Variants in SSUH2 observed in about 807,000 individuals in gnomAD.
SSUH2 encodes the protein ssu-2 homolog, also known as protein SSUH2 homolog.
A neutral mutation model predicts 55.3 loss-of-function variants in SSUH2; 47 were observed. The observed-to-expected ratio is 0.85, with a 90% CI of 0.67 to 1.08. The LOEUF (loss-of-function observed/expected upper bound fraction) is 1.08, where lower values mean the gene tolerates loss of function less well. SSUH2 is among the 50% of genes least tolerant of loss of function. The probability of loss-of-function intolerance (pLI) is 0.00; values close to 1 mark genes in which losing one functional copy is unlikely to be tolerated. For synonymous variants in SSUH2, 212 were observed against 191.5 expected, an observed-to-expected ratio of 1.11 and a Z score of -0.89; for missense variants, 535 against 490.7, an observed-to-expected ratio of 1.09 and a Z score of -0.85.
intron 3 of SSUH2, among the ~76,000 whole-genome samples, chr3:8,673,284 T>C (rs189852435): frequency 6.6e-6 from 1 of 152,118 alleles, no homozygotes. Flanking sequence ...GATCAGTTAT[T>C]AATATTGATA....
chr3:8,635,405 C>T (rs1324439399), intron 2 of SSUH2, 24 bp from the exon 3 acceptor site: 2 of 1,505,670 alleles, frequency 1.3e-6, no homozygotes, highest in East Asian at 2.5e-5. Flanking sequence ...GAGTCAGGGG[C>T]TGGACAGCCC....
upstream of SSUH2, among the ~76,000 whole-genome samples, chr3:8,648,684 A>G (rs1360621444): frequency 6.6e-6 from 1 of 152,122 alleles, no homozygotes; most frequent in Admixed American, 6.5e-5. Context: ...TCCAGGCCAC[A>G]GTGCCCCTTC....
intron 7 of SSUH2, among the ~76,000 whole-genome samples, chr3:8,657,913 C>A (rs577530390): frequency 6.6e-6 from 1 of 152,390 alleles, no homozygotes; most frequent in South Asian, 2.1e-4. Context: ...CTCTTCCCAG[C>A]CTCCACGCCT....
chr3:8,676,989 C>T (rs535014993), intron 3 of SSUH2, among the ~76,000 whole-genome samples: 2 of 149,010 alleles, frequency 1.3e-5, no homozygotes, highest in Admixed American at 6.6e-5. Flanking sequence ...GAGCCAGTAC[C>T]TCTTCCCCCC....
At chr3:8,660,601 C>T (rs902731914) in intron 6 of SSUH2, among the ~76,000 whole-genome samples, 1 of 152,206 alleles carries the variant, frequency 6.6e-6, no homozygotes, top group African/African-American at 2.4e-5. Context: ...TTTATTGTTA[C>T]TGCTCCTTTC....
chr3:8,651,775 G>A (rs1479421076), intron 7 of SSUH2, among the ~76,000 whole-genome samples: 1 of 152,108 alleles, frequency 6.6e-6, no homozygotes, highest in East Asian at 1.9e-4. Context: ...CCCTCAGCAA[G>A]GATGGATGTG....
At chr3:8,681,422 C>T (rs1175755365) in intron 1 of SSUH2, among the ~76,000 whole-genome samples, 1 of 145,098 alleles carries the variant, frequency 6.9e-6, no homozygotes, top group Non-Finnish European at 1.5e-5. Context: ...CCCGGCGAGC[C>T]CGGGACTGAG....
chr3:8,624,240 G>A (rs774285724), intron 10 of SSUH2, among the ~76,000 whole-genome samples: 2 of 152,184 alleles, frequency 1.3e-5, no homozygotes, highest in African/African-American at 2.4e-5. Flanking sequence ...CCCTCATTGT[G>A]GAACTGTGGC....
chr3:8,669,960 G>A (rs1704365065), intron 5 of SSUH2, among the ~76,000 whole-genome samples: 1 of 152,212 alleles, frequency 6.6e-6, no homozygotes, highest in Admixed American at 6.5e-5. Context: ...AACACATTCT[G>A]TAGTTTACTG....
intron 7 of SSUH2, among the ~76,000 whole-genome samples, chr3:8,655,797 A>G (rs1028732617): frequency 6.6e-6 from 1 of 152,190 alleles, no homozygotes; most frequent in Non-Finnish European, 1.5e-5. Flanking sequence ...TGTTTTTGTC[A>G]GAAGAATGAT....
Position 8,635,875 on chromosome 3 carries a change from T to C in SSUH2, c.29-18A>G, listed in dbSNP as rs1452957135. 6.5e-7 allele frequency: 1 copy of C among 1,534,516 alleles called. No homozygotes were observed. Among genetic ancestry groups the C allele is most frequent in the South Asian group, 1.2e-5 (1 of 83,810 alleles). ...CACCACACCTGCAGAAAGACAAGCA[T>C]TCCTAAGCCTTGGGTAGGGAGGCGA... On this transcript the variant is annotated intron_variant, in intron 1 of 11. Transcript: ENST00000544814.
Position 8,630,852 on chromosome 3 carries a change from GA to G in SSUH2, c.477del (p.Gln160ArgfsTer174). 6.6e-7 allele frequency: 1 copy of G among 1,507,718 alleles called. No homozygotes were observed. The highest frequency in any genetic ancestry group is 8.9e-7 in the Non-Finnish European group (1 of 1,128,634). 93.4% of individuals were successfully genotyped at this position (1,507,718 alleles called of 1,614,324 possible). ...ACCTGGAACTTCCTGGTGTCTTCCT[GA>G]AACATCGGAGGACCTTGAACCTTGA... ...WDIKVQGPPM[F>X]QEDTRKFQVP... On this transcript the variant is annotated frameshift_variant, in exon 6 of 12. Coordinates refer to ENST00000544814, the MANE Select transcript of SSUH2 (RefSeq NM_001256748.3). LOFTEE classifies it high-confidence loss of function.
upstream of SSUH2, among the ~76,000 whole-genome samples, chr3:8,647,055 A>G (rs1398512210): frequency 6.6e-6 from 1 of 152,226 alleles, no homozygotes; most frequent in African/African-American, 2.4e-5. Context: ...GTAATCTCAC[A>G]GGTGGGTGTC....
intron 5 of SSUH2, among the ~76,000 whole-genome samples, 186 bp from the exon 6 acceptor site, chr3:8,631,115 C>G (rs1434555601): frequency 2.6e-5 from 4 of 152,130 alleles, no homozygotes; most frequent in Admixed American, 1.3e-4. Flanking sequence ...TAGAGAGAGA[C>G]AGATCTGGGT....
At chr3:8,673,958 G>A (rs1379122899) in intron 3 of SSUH2, among the ~76,000 whole-genome samples, 1 of 151,960 alleles carries the variant, frequency 6.6e-6, no homozygotes, top group South Asian at 2.1e-4. Context: ...CCTTGATCCC[G>A]ATAACCCTGA....
chr3:8,651,163 C>A (rs1417940263), intron 7 of SSUH2, among the ~76,000 whole-genome samples: 1 of 152,186 alleles, frequency 6.6e-6, no homozygotes, highest in Non-Finnish European at 1.5e-5. Flanking sequence ...AACACAAATT[C>A]AATTTGCTTT....
chr3:8,634,198 C>A (rs1290610745), intron 3 of SSUH2: 2 of 590,780 alleles, frequency 3.4e-6, no homozygotes, highest in Non-Finnish European at 5.6e-6. Context: ...GGTACCTTGA[C>A]CTTAGCCAGA....
intron 1 of SSUH2, chr3:8,639,891 A>T: frequency 3.3e-6 from 3 of 918,196 alleles, no homozygotes; most frequent in Non-Finnish European, 3.9e-6. Context: ...TCAACACTTA[A>T]ACAAAGAGTG....
At position 8,678,935 on chromosome 3, in the gene SSUH2, C is replaced by A. The variant is rs1317400965; in HGVS notation, c.-901+770G>T. Among the ~76,000 whole-genome samples, 84 of 110,800 alleles carry A rather than the reference C, an allele frequency of 7.6e-4. 5 individuals carry two copies. The highest frequency in any genetic ancestry group is 1.2e-3 in the Non-Finnish European group (57 of 47,938). 72.7% of individuals were successfully genotyped at this position (110,800 alleles called of 152,430 possible). Reference sequence around the variant, plus strand: ...CCAGGCGGGGACTGAGAGCCAGCCACTCTTCCCCTCCTGGCTCTTGGGACG... The same window carrying A: ...CCAGGCGGGGACTGAGAGCCAGCCAATCTTCCCCTCCTGGCTCTTGGGACG... On this transcript the variant is annotated intron_variant, in intron 2 of 18. Transcript: ENST00000317371.
Sources: allele counts gnomAD v4.1 joint callset (sites outside exome capture counted in the v4.1 genomes callset), GRCh38; gene constraint gnomAD v4.1.1; transcripts MANE v1.5; gene names NCBI Gene and HGNC (gene_info 2026-07-23, HGNC 2026-07-21).